The following LRP1B variants were observed in gnomAD, a reference collection of about 807,000 sequenced individuals.
LRP1B encodes low-density lipoprotein receptor-related protein 1B.
LRP1B carries 217 observed loss-of-function variants against 556.6 expected under a neutral mutation model. The ratio of observed to expected loss-of-function variants is 0.39; its 90% confidence interval spans 0.35 to 0.44. The LOEUF (loss-of-function observed/expected upper bound fraction) is 0.44. Ranked by LOEUF, LRP1B falls within the 20% of genes least tolerant of loss-of-function variation. The probability of loss-of-function intolerance (pLI) is 1.00; values close to 1 mark genes in which losing one functional copy is unlikely to be tolerated. For missense variants in LRP1B, 5,053 were observed against 5,620.8 expected (o/e 0.90, Z 3.23); for synonymous variants, 2,047 against 1,865.8 (o/e 1.10, Z -2.50).
chr2:140,776,024 G>A, intron 33 of LRP1B, 74 bp downstream of exon 33: 1 of 1,215,018 alleles, frequency 8.2e-7, no homozygotes, highest in South Asian at 1.4e-5. Flanking sequence ...TTTTATTGTT[G>A]AATTGAGGAG....
chr2:141,725,824 G>T (rs1243257764), intron 2 of LRP1B, among the ~76,000 whole-genome samples: 1 of 149,344 alleles, frequency 6.7e-6, no homozygotes, highest in Non-Finnish European at 1.5e-5. Flanking sequence ...CTAGTTTTTA[G>T]ATATTTGGCA....
chr2:140,723,750 A>T (rs1223436708), intron 35 of LRP1B, among the ~76,000 whole-genome samples: 1 of 152,222 alleles, frequency 6.6e-6, no homozygotes, highest in Non-Finnish European at 1.5e-5. Flanking sequence ...ATGTGGCTTT[A>T]TTCTAGATCT....
intron 1 of LRP1B, among the ~76,000 whole-genome samples, chr2:141,992,479 A>G (rs1300573795): frequency 6.6e-6 from 1 of 152,170 alleles, no homozygotes; most frequent in Non-Finnish European, 1.5e-5. Flanking sequence ...AGGAAAAATG[A>G]GTACAGTGGC....
chr2:141,418,923 C>T (rs887642919), intron 3 of LRP1B, among the ~76,000 whole-genome samples: 4 of 151,800 alleles, frequency 2.6e-5, no homozygotes, highest in African/African-American at 9.7e-5. Context: ...TTCTGCTTTG[C>T]CTCATTGATT....
chr2:140,338,215 A>G (rs1681196019), intron 77 of LRP1B, among the ~76,000 whole-genome samples: 1 of 151,292 alleles, frequency 6.6e-6, no homozygotes, highest in South Asian at 2.1e-4. Flanking sequence ...AATATGGGGT[A>G]AAAAATAGAC....
chr2:140,509,822 A>C, intron 52 of LRP1B, 106 bp downstream of exon 52: 1 of 1,471,562 alleles, frequency 6.8e-7, no homozygotes. Flanking sequence ...GGGCCCAGGA[A>C]CTAGGAAAGC....
chr2:141,053,802 G>A (rs1215508475), intron 10 of LRP1B, among the ~76,000 whole-genome samples: 1 of 146,050 alleles, frequency 6.8e-6, no homozygotes, highest in Non-Finnish European at 1.5e-5. Context: ...GTGTATGTAT[G>A]TATGCACATA....
At chr2:140,800,653 C>G (rs1690476478) in intron 32 of LRP1B, among the ~76,000 whole-genome samples, 1 of 152,126 alleles carries the variant, frequency 6.6e-6, no homozygotes, top group African/African-American at 2.4e-5. Flanking sequence ...CTTTAAGAAC[C>G]CAATACTCTC....
chr2:141,756,803 T>C (rs1199705974), intron 2 of LRP1B, among the ~76,000 whole-genome samples: 2 of 152,098 alleles, frequency 1.3e-5, no homozygotes, highest in Admixed American at 1.3e-4. Flanking sequence ...ATAGCCTAGG[T>C]ATGTAGTGGG....
At chr2:140,854,707 A>G (rs1359228091) in intron 27 of LRP1B, among the ~76,000 whole-genome samples, 1 of 152,236 alleles carries the variant, frequency 6.6e-6, no homozygotes, top group Non-Finnish European at 1.5e-5. Flanking sequence ...ATTGGTTTAC[A>G]TATTAGCCAT....
chr2:141,718,765 T>C (rs1288847547), intron 2 of LRP1B, among the ~76,000 whole-genome samples: 2 of 152,218 alleles, frequency 1.3e-5, no homozygotes, highest in African/African-American at 4.8e-5. Flanking sequence ...AACAGAAGAC[T>C]GGAGTGTGAT....
intron 1 of LRP1B, among the ~76,000 whole-genome samples, chr2:141,840,600 G>T (rs1195921669): frequency 6.6e-6 from 1 of 152,078 alleles, no homozygotes; most frequent in African/African-American, 2.4e-5. Flanking sequence ...TTGAGCATCC[G>T]CTTCCAGCCC....
chr2:140,632,049 C>T (rs1334311426), intron 41 of LRP1B, among the ~76,000 whole-genome samples: 1 of 152,118 alleles, frequency 6.6e-6, no homozygotes, highest in Non-Finnish European at 1.5e-5. Context: ...ATTCTGTATA[C>T]ACTATATTAC....
At chr2:140,960,018 A>G in intron 18 of LRP1B, among the ~76,000 whole-genome samples, 1 of 67,898 alleles carries the variant, frequency 1.5e-5, no homozygotes, top group South Asian at 7.7e-4. Context: ...AAAGTAGCAT[A>G]TTATTAAAAT....
rs1553485467 is a variant in LRP1B, at chr2:141,923,444, A to ATATATG, written c.83-113044_83-113043insCATATA. On this transcript the variant is annotated intron_variant, in intron 1 of 90. Transcript: ENST00000389484. ...ATATAGTGACAAAGAGATTATATAT[A>ATATATG]TATGTGTGTGTGTGTGTGTGTGTGT... 3.3e-3 allele frequency among the ~76,000 whole-genome samples: 214 copies of ATATATG among 64,316 alleles called. 1 individual carries two copies. Among genetic ancestry groups the ATATATG allele is most frequent in the Non-Finnish European group, 6.1e-3 (189 of 31,022 alleles). 42.2% of individuals were successfully genotyped at this position (64,316 alleles called of 152,430 possible).
chr2:141,703,449 T>G (rs902745077), intron 2 of LRP1B, among the ~76,000 whole-genome samples: 7 of 151,982 alleles, frequency 4.6e-5, no homozygotes, highest in Non-Finnish European at 1.0e-4. Flanking sequence ...ATTCTCTTTC[T>G]TATGAAATTA....
At chr2:142,068,091 G>A (rs1042840966) in intron 1 of LRP1B, among the ~76,000 whole-genome samples, 13 of 151,316 alleles carry the variant, frequency 8.6e-5, no homozygotes, top group Admixed American at 2.0e-4. Flanking sequence ...GTAGCTTCTC[G>A]TGGGAAGATT....
intron 7 of LRP1B, among the ~76,000 whole-genome samples, chr2:141,181,977 C>A (rs1001558252): frequency 2.0e-5 from 3 of 151,988 alleles, no homozygotes; most frequent in African/African-American, 7.2e-5. Flanking sequence ...GACCAGGAAA[C>A]ACATACTTTC....
At chr2:142,041,370 C>A (rs1375617) in intron 1 of LRP1B, among the ~76,000 whole-genome samples, 10 of 151,366 alleles carry the variant, frequency 6.6e-5, no homozygotes, top group East Asian at 2.0e-4. Context: ...AGCAAGATGA[C>A]CTTTCATTAG....
Sources: gnomAD v4.1 joint callset for allele counts (sites outside exome capture counted in the v4.1 genomes callset) on GRCh38, gnomAD v4.1.1 for gene constraint, MANE v1.5 for transcripts, NCBI Gene and HGNC (gene_info 2026-07-23, HGNC 2026-07-21) for gene names.